The following GON4L variants were observed in gnomAD, a reference collection of about 807,000 sequenced individuals.
The protein encoded by GON4L is GON-4-like protein.
In GON4L, 87 loss-of-function variants were observed where a neutral mutation model predicts 211.8. The observed-to-expected ratio is 0.41, with a 90% CI of 0.35 to 0.49. The LOEUF (loss-of-function observed/expected upper bound fraction) is 0.49. Ranked by LOEUF, GON4L falls within the 20% of genes least tolerant of loss-of-function variation. The probability of loss-of-function intolerance (pLI) is 0.15; values close to 1 mark genes in which losing one functional copy is unlikely to be tolerated. For synonymous variants in GON4L, 875 were observed against 962.6 expected (o/e 0.91, Z 1.68); for missense variants, 2,155 against 2,659.5 (o/e 0.81, Z 4.17).
rs74513794 is a variant in GON4L, at chr1:155,777,860, G to A, written c.1893-40C>T. ...GAGATGACTGAATTTGAGTGTTTCC[G>A]TAGGTCCACAACACATCCAATTCGT... On this transcript the variant is annotated intron_variant, in intron 14 of 31. Coordinates refer to ENST00000368331, the MANE Select transcript of GON4L (RefSeq NM_001282860.2). 3.2e-3 allele frequency: 4,052 copies of A among 1,257,420 alleles called. 99 individuals are homozygous for A. The African/African-American group carries it at 0.051, about 16-fold the overall frequency. 77.9% of individuals were successfully genotyped at this position (1,257,420 alleles called of 1,614,324 possible). A position where few individuals can be genotyped will look rare whatever the true frequency, so the allele number is the denominator to read the frequency against.
intron 13 of GON4L, 39 bp from the exon 14 acceptor site, chr1:155,784,128 G>T: frequency 6.2e-7 from 1 of 1,610,366 alleles, no homozygotes; most frequent in Non-Finnish European, 8.5e-7. Context: ...CTGGGGAATG[G>T]GCCTCTGAAT....
At chr1:155,801,749 G>A (rs1270973171) in intron 11 of GON4L, among the ~76,000 whole-genome samples, 1 of 152,022 alleles carries the variant, frequency 6.6e-6, no homozygotes, top group African/African-American at 2.4e-5. Flanking sequence ...CAGGCAAGGT[G>A]GCAGGCGCAT....
chr1:155,827,110 GT>G, intron 2 of GON4L, 82 bp from the exon 3 acceptor site: 1 of 1,037,566 alleles, frequency 9.6e-7, no homozygotes, highest in South Asian at 1.3e-5. Flanking sequence ...TTATTATAGT[GT>G]TTTTAGGTAG....
In GON4L at chr1:155,765,911, T is replaced by G. The variant is rs1269652047; in HGVS notation, c.3562A>C (p.Thr1188Pro). ...IPITTLLVNP[T>P]SFPCPLNQSL... is the part of the protein sequence containing the mutation. ...TGGTTCAATGGACAGGGGAAGGAAG[T>G]AGGGTTAACCAAGAGGGTAGTGATG... Residue 1188 changes from threonine (T) to proline (P), a missense_variant, in exon 21 of 32, where the codon ACT becomes CCT. By Grantham distance (38) the Thr-to-Pro change is conservative (BLOSUM62 -1). Coordinates refer to ENST00000368331, the MANE Select transcript of GON4L (RefSeq NM_001282860.2). 1.2e-6 allele frequency: 2 copies of G among 1,613,846 alleles called. No homozygotes were observed.
intron 5 of GON4L, among the ~76,000 whole-genome samples, chr1:155,820,957 T>TA (rs1222202459): frequency 2.6e-5 from 4 of 151,654 alleles, no homozygotes; most frequent in Non-Finnish European, 5.9e-5. Flanking sequence ...ACCCTGTCTC[T>TA]AAAAAAATAA....
At chr1:155,752,726 T>A (rs571544192) in intron 29 of GON4L, 136 bp from the exon 30 acceptor site, 54 of 1,364,286 alleles carry the variant, frequency 4.0e-5, no homozygotes, top group Non-Finnish European at 5.5e-5. Flanking sequence ...ACACCTATAA[T>A]GTCCGCACTT....
intron 19 of GON4L, among the ~76,000 whole-genome samples, chr1:155,769,466 C>G (rs1442689428): frequency 1.3e-5 from 2 of 151,986 alleles, no homozygotes; most frequent in African/African-American, 4.8e-5. Flanking sequence ...GCAGCAAGCC[C>G]AGAGAGCAAC....
intron 14 of GON4L, among the ~76,000 whole-genome samples, chr1:155,781,768 A>G (rs1664453337): frequency 6.7e-6 from 1 of 149,642 alleles, no homozygotes; most frequent in African/African-American, 2.5e-5. Flanking sequence ...GCCTATTATT[A>G]TTTTTTGAGA....
intron 6 of GON4L, among the ~76,000 whole-genome samples, chr1:155,820,251 C>T (rs1270059780): frequency 6.6e-6 from 1 of 152,134 alleles, no homozygotes; most frequent in Admixed American, 6.6e-5. Flanking sequence ...CTGAGGGATC[C>T]CACACCAAAG....
Position 155,825,742 on chromosome 1 carries a change from T to A in GON4L, c.697+1095A>T, listed in dbSNP as rs112216203. On this transcript the variant is annotated intron_variant, in intron 3 of 31. Coordinates refer to ENST00000368331, the MANE Select transcript of GON4L (RefSeq NM_001282860.2). ...TGGGGCTCCGTCTCTACAAAAAAAA[T>A]TTTTTAATTAGCTGGCTGGGCCGGG... 5.6e-3 allele frequency among the ~76,000 whole-genome samples: 856 copies of A among 151,596 alleles called. 6 individuals carry two copies. The highest frequency in any genetic ancestry group is 0.02 in the African/African-American group (806 of 41,332).
chr1:155,795,340 C>T (rs980598984), intron 11 of GON4L, among the ~76,000 whole-genome samples, 189 bp from the exon 12 acceptor site: 1 of 152,078 alleles, frequency 6.6e-6, no homozygotes, highest in African/African-American at 2.4e-5. Context: ...GATCCTCCCA[C>T]CTTAGCCTCC....
downstream of GON4L, among the ~76,000 whole-genome samples, chr1:155,748,945 A>G (rs920666086): frequency 3.3e-5 from 5 of 152,202 alleles, no homozygotes; most frequent in Non-Finnish European, 4.4e-5. Flanking sequence ...TGATGGCCTG[A>G]TAACATAAAA....
At chr1:155,822,918 C>G (rs987788787) in intron 3 of GON4L, among the ~76,000 whole-genome samples, 1 of 152,366 alleles carries the variant, frequency 6.6e-6, no homozygotes, top group African/African-American at 2.4e-5. Context: ...GCCTCAGCCT[C>G]CCGAGTAGCT....
At position 155,752,302 on chromosome 1, in the gene GON4L, G is replaced by C; in HGVS notation, c.6131C>G (p.Thr2044Ser). Residue 2044 changes from threonine to serine, a missense_variant, in exon 30 of 32, where the codon ACC (threonine) becomes AGC (serine). Thr to Ser is a moderately conservative substitution (Grantham distance 58, BLOSUM62 1). Transcript: ENST00000368331. ...CAGGAAGGAAGCAGGGGGTTCCACG[G>C]TACCAGGCAATTTCTCAGTTTCTGA... ...DASETEKLPG[T>S]VEPPASFLSP... 1 of 1,586,078 alleles carries C rather than the reference G, an allele frequency of 6.3e-7. No homozygotes were observed. The highest frequency in any genetic ancestry group is 1.7e-4 in the Middle Eastern group (1 of 5,946).
At position 155,766,207 on chromosome 1, in the gene GON4L, T is replaced by G; in HGVS notation, c.3266A>C (p.Gln1089Pro). ...CACAGGGGCAGAAGAGAGCAAAGTCTGGGACTCAGACAGAGGGAAGCTTGT... is the reference window on the plus strand; with the variant it reads ...CACAGGGGCAGAAGAGAGCAAAGTCGGGGACTCAGACAGAGGGAAGCTTGT... The part of the protein sequence containing the change: ...ARTSFPLSES[Q>P]TLLSSAPVPK... The change falls in exon 21 of 32, where the codon CAG (glutamine) becomes CCG (proline). Residue 1089 changes from glutamine (Q) to proline (P), a missense_variant. By Grantham distance (76) the Gln-to-Pro change is moderately conservative. Coordinates refer to ENST00000368331, the MANE Select transcript of GON4L (RefSeq NM_001282860.2). 1 of 1,614,106 alleles carries G rather than the reference T, an allele frequency of 6.2e-7. No individual in the cohort carries two copies. The highest frequency in any genetic ancestry group is 8.5e-7 in the Non-Finnish European group (1 of 1,180,004).
intron 12 of GON4L, among the ~76,000 whole-genome samples, chr1:155,791,390 A>C (rs1025380816): frequency 2.0e-5 from 3 of 152,034 alleles, no homozygotes; most frequent in Non-Finnish European, 4.4e-5. Context: ...GCTAGAATCC[A>C]GAGAAGAGTA....
At chr1:155,816,096 A>C in intron 7 of GON4L, 116 bp downstream of exon 7, 1 of 709,384 alleles carries the variant, frequency 1.4e-6, no homozygotes, top group East Asian at 2.7e-5. Flanking sequence ...ATGGAAAAAA[A>C]CAAAGCTGGA....
intron 2 of GON4L, among the ~76,000 whole-genome samples, chr1:155,851,051 T>TTA (rs1571946186): frequency 1.7e-4 from 2 of 11,696 alleles, no homozygotes; most frequent in African/African-American, 4.2e-4. Context: ...AGACTCCACC[T>TTA]CAAAAAAAAA....
At chr1:155,798,557 C>T (rs1327977572) in intron 11 of GON4L, among the ~76,000 whole-genome samples, 1 of 148,800 alleles carries the variant, frequency 6.7e-6, no homozygotes, top group African/African-American at 2.5e-5. Context: ...CTACAGGCAC[C>T]CGCCACCACG....
Sources: allele counts gnomAD v4.1 joint callset (sites outside exome capture counted in the v4.1 genomes callset), GRCh38; gene constraint gnomAD v4.1.1; transcripts MANE v1.5; gene names NCBI Gene and HGNC (gene_info 2026-07-23, HGNC 2026-07-21).